The following C8orf34 variants were observed in gnomAD, a reference collection of about 807,000 sequenced individuals.
C8orf34 encodes chromosome 8 open reading frame 34, also known as uncharacterized protein C8orf34.
C8orf34 carries 65 observed loss-of-function variants against 68.3 expected under a neutral mutation model. That is an observed-to-expected ratio of 0.95 (90% confidence interval 0.78 to 1.17). C8orf34 has a LOEUF of 1.17. C8orf34 is among the 50% of genes most tolerant of loss of function. C8orf34 has a pLI of 0.00. For missense variants in C8orf34, 664 were observed against 655.4 expected (o/e 1.01, Z -0.14); for synonymous variants, 244 against 241.2 (o/e 1.01, Z -0.11).
chr8:68,371,286 A>T (rs991383322), intron 1 of C8orf34, among the ~76,000 whole-genome samples: 2 of 152,216 alleles, frequency 1.3e-5, no homozygotes, highest in African/African-American at 4.8e-5. Flanking sequence ...CTTGCAATGT[A>T]ATTTGTGATT....
chr8:68,658,098 C>A (rs963084687), intron 8 of C8orf34, among the ~76,000 whole-genome samples: 2 of 152,132 alleles, frequency 1.3e-5, no homozygotes, highest in Admixed American at 6.5e-5. Context: ...TTTTCCATAT[C>A]AACAATATCA....
chr8:68,648,938 A>G (rs1413044309), intron 8 of C8orf34, among the ~76,000 whole-genome samples: 1 of 152,242 alleles, frequency 6.6e-6, no homozygotes, highest in African/African-American at 2.4e-5. Context: ...ACTCATTTCA[A>G]ATTGTCTATA....
chr8:68,384,736 G>C (rs1808187581), intron 1 of C8orf34, among the ~76,000 whole-genome samples: 1 of 152,144 alleles, frequency 6.6e-6, no homozygotes, highest in African/African-American at 2.4e-5. Flanking sequence ...AGGCTTAACT[G>C]TTATCTCCAC....
At chr8:68,570,253 T>C (rs1277813647) in intron 7 of C8orf34, among the ~76,000 whole-genome samples, 1 of 152,194 alleles carries the variant, frequency 6.6e-6, no homozygotes, top group African/African-American at 2.4e-5. Flanking sequence ...TCGTTGTTTA[T>C]CTTTGTTTCC....
At chr8:68,391,984 C>T (rs185805499) in intron 1 of C8orf34, among the ~76,000 whole-genome samples, 84 of 152,208 alleles carry the variant, frequency 5.5e-4, no homozygotes, top group Admixed American at 4.2e-3. Context: ...CTAATGAATG[C>T]TGAATTGTTC....
At chr8:68,464,641 C>T (rs1356959525) in intron 3 of C8orf34, among the ~76,000 whole-genome samples, 2 of 151,916 alleles carry the variant, frequency 1.3e-5, no homozygotes, top group Admixed American at 1.3e-4. Context: ...TCAGAAATAA[C>T]ACTGCATATC....
chr8:68,402,144 G>C (rs117578649), intron 1 of C8orf34, among the ~76,000 whole-genome samples: 1 of 152,108 alleles, frequency 6.6e-6, no homozygotes, highest in East Asian at 1.9e-4. Flanking sequence ...TGGGATGTAC[G>C]TTTCCAGGAA....
At chr8:68,707,671 C>T (rs1033548663) in intron 8 of C8orf34, among the ~76,000 whole-genome samples, 2 of 152,022 alleles carry the variant, frequency 1.3e-5, no homozygotes, top group Admixed American at 1.3e-4. Context: ...AAACTCCTGG[C>T]CTCAAGTGAT....
At chr8:68,561,371 AT>A (rs561826037) in intron 7 of C8orf34, among the ~76,000 whole-genome samples, 6 of 151,634 alleles carry the variant, frequency 4.0e-5, no homozygotes, top group East Asian at 1.9e-4. Context: ...ACAAAAAAAA[AT>A]CTTTCCTTTG....
At position 68,462,811 on chromosome 8, in the gene C8orf34, T is replaced by C. The variant is rs143988169; in HGVS notation, c.608-5881T>C. 2.0e-3 allele frequency among the ~76,000 whole-genome samples: 299 copies of C among 151,848 alleles called. 3 individuals carry two copies. The highest frequency in any genetic ancestry group is 7.0e-3 in the African/African-American group (289 of 41,336). ...AAAGCAGTGTGTAGAGGGAAATGTA[T>C]AACACTAAATGCCCACAAAAGAAAG... On this transcript the variant is annotated intron_variant, in intron 3 of 13. Transcript: ENST00000518698.
chr8:68,556,090 A>G (rs1816241536), intron 7 of C8orf34, among the ~76,000 whole-genome samples: 3 of 152,290 alleles, frequency 2.0e-5, no homozygotes, highest in African/African-American at 7.2e-5. Flanking sequence ...TACATGAAAT[A>G]CATCCAAATT....
At chr8:68,456,457 A>G (rs1013562529) in intron 3 of C8orf34, among the ~76,000 whole-genome samples, 1 of 152,304 alleles carries the variant, frequency 6.6e-6, no homozygotes, top group South Asian at 2.1e-4. Flanking sequence ...AATTTATGCT[A>G]TGTGAATGAG....
chr8:68,341,697 C>T (rs1806076632), intron 1 of C8orf34, among the ~76,000 whole-genome samples: 1 of 152,118 alleles, frequency 6.6e-6, no homozygotes. Flanking sequence ...TCTGCCCATC[C>T]TGCTTTTGCC....
At chr8:68,491,720 T>C (rs1336890382) in intron 5 of C8orf34, among the ~76,000 whole-genome samples, 1 of 152,202 alleles carries the variant, frequency 6.6e-6, no homozygotes, top group African/African-American at 2.4e-5. Context: ...ATGAAACTAA[T>C]TACATATAGA....
intron 8 of C8orf34, among the ~76,000 whole-genome samples, chr8:68,705,893 C>A (rs1386489161): frequency 6.6e-6 from 1 of 152,122 alleles, no homozygotes; most frequent in African/African-American, 2.4e-5. Flanking sequence ...TGGATAGTCT[C>A]AGCCTTACAC....
At chr8:68,554,927 CA>C (rs1193041779) in intron 7 of C8orf34, among the ~76,000 whole-genome samples, 1 of 152,076 alleles carries the variant, frequency 6.6e-6, no homozygotes, top group Admixed American at 6.5e-5. Flanking sequence ...TTGTATTTTT[CA>C]AAATTAACCT....
At chr8:68,581,669 T>C (rs1817068422) in intron 7 of C8orf34, among the ~76,000 whole-genome samples, 1 of 152,126 alleles carries the variant, frequency 6.6e-6, no homozygotes, top group African/African-American at 2.4e-5. Context: ...TCAGGAAGCA[T>C]CATGAAACTA....
At chr8:68,345,829 A>G (rs1806260076) in intron 1 of C8orf34, among the ~76,000 whole-genome samples, 1 of 152,038 alleles carries the variant, frequency 6.6e-6, no homozygotes, top group African/African-American at 2.4e-5. Flanking sequence ...AAGTAAATTT[A>G]TACATTTAAA....
At chr8:68,639,426 C>T (rs770337819) in intron 7 of C8orf34, among the ~76,000 whole-genome samples, 3 of 151,852 alleles carry the variant, frequency 2.0e-5, no homozygotes, top group South Asian at 2.1e-4. Flanking sequence ...TTATTTGACA[C>T]TCATTTGTAA....
Sources: allele counts gnomAD v4.1 joint callset (sites outside exome capture counted in the v4.1 genomes callset), GRCh38; gene constraint gnomAD v4.1.1; transcripts MANE v1.5; gene names NCBI Gene and HGNC (gene_info 2026-07-23, HGNC 2026-07-21).